Variants in UNC5D observed in about 807,000 individuals in gnomAD.
The protein encoded by UNC5D is netrin receptor UNC5D.
A neutral mutation model predicts 105.4 loss-of-function variants in UNC5D; 39 were observed. The observed-to-expected ratio is 0.37, with a 90% CI of 0.29 to 0.48. The LOEUF (loss-of-function observed/expected upper bound fraction) is 0.48. UNC5D is among the 20% of genes least tolerant of loss of function. The pLI is 0.98. For missense variants in UNC5D, 991 were observed against 1,202.4 expected (o/e 0.82, Z 2.60); for synonymous variants, 452 against 450.4 (o/e 1.00, Z -0.04).
intron 1 of UNC5D, among the ~76,000 whole-genome samples, chr8:35,483,134 T>C (rs1012356299): frequency 6.6e-6 from 1 of 151,996 alleles, no homozygotes; most frequent in Non-Finnish European, 1.5e-5. Context: ...CTGTTGTTCA[T>C]TCTCACATGA....
At chr8:35,466,427 A>G (rs1809310363) in intron 1 of UNC5D, among the ~76,000 whole-genome samples, 1 of 152,166 alleles carries the variant, frequency 6.6e-6, no homozygotes, top group South Asian at 2.1e-4. Flanking sequence ...TAGGATTTAT[A>G]TATAATTTGT....
At chr8:35,418,374 G>A (rs186151242) in intron 1 of UNC5D, among the ~76,000 whole-genome samples, 26 of 152,254 alleles carry the variant, frequency 1.7e-4, no homozygotes, top group Admixed American at 1.6e-3. Context: ...CCATCTGCGA[G>A]TGCCAAAAGC....
intron 1 of UNC5D, among the ~76,000 whole-genome samples, chr8:35,394,223 C>G (rs1803962199): frequency 6.6e-6 from 1 of 152,080 alleles, no homozygotes; most frequent in African/African-American, 2.4e-5. Flanking sequence ...TTAGAAATAA[C>G]CTAAATGCTT....
intron 16 of UNC5D, among the ~76,000 whole-genome samples, chr8:35,778,991 C>T (rs1802382595): frequency 6.6e-6 from 1 of 152,216 alleles, no homozygotes; most frequent in African/African-American, 2.4e-5. Flanking sequence ...GCATATGGAT[C>T]ACGCTAAATA....
chr8:35,326,502 C>T (rs1020380774), intron 1 of UNC5D, among the ~76,000 whole-genome samples: 10 of 152,192 alleles, frequency 6.6e-5, no homozygotes, highest in East Asian at 1.9e-4. Context: ...TGCCTGTCAT[C>T]GCAGCGCTTT....
At chr8:35,492,660 C>A (rs937490411) in intron 1 of UNC5D, among the ~76,000 whole-genome samples, 3 of 151,830 alleles carry the variant, frequency 2.0e-5, no homozygotes, top group African/African-American at 7.3e-5. Flanking sequence ...AAAGAAGGGC[C>A]AGATGGTTGA....
In UNC5D at chr8:35,404,666, C is replaced by T. The variant is rs542524873; in HGVS notation, c.104-144626C>T. ...GCAGTGGTGCAATCTCGACTCACTG[C>T]AACCTCTGCCTCCTGGGTTCAAGAG... On this transcript the variant is annotated intron_variant, in intron 1 of 16. Transcript: ENST00000404895. Among the ~76,000 whole-genome samples the T allele has an allele frequency of 2.3e-4, 35 of 152,174 alleles. No homozygotes were observed. The South Asian group carries it at 3.3e-3, about 14-fold the overall frequency.
chr8:35,629,810 T>A (rs1821927743), intron 4 of UNC5D, among the ~76,000 whole-genome samples: 1 of 152,204 alleles, frequency 6.6e-6, no homozygotes, highest in South Asian at 2.1e-4. Context: ...TAATGTATTG[T>A]CTGTTTTTTA....
intron 7 of UNC5D, among the ~76,000 whole-genome samples, chr8:35,701,992 G>A (rs1827236591): frequency 6.6e-6 from 1 of 151,090 alleles, no homozygotes; most frequent in African/African-American, 2.4e-5. Context: ...AATGAAAAAA[G>A]TGAAATAAAA....
chr8:35,638,457 T>C (rs1460260663), intron 4 of UNC5D, among the ~76,000 whole-genome samples: 2 of 151,982 alleles, frequency 1.3e-5, no homozygotes, highest in Non-Finnish European at 2.9e-5. Context: ...TATTACTTTT[T>C]TTATGTGTAG....
At chr8:35,366,566 C>T (rs1303193158) in intron 1 of UNC5D, among the ~76,000 whole-genome samples, 1 of 152,038 alleles carries the variant, frequency 6.6e-6, no homozygotes, top group Admixed American at 6.6e-5. Flanking sequence ...CTTACCCTTC[C>T]TGTAAAGTCT....
intron 8 of UNC5D, among the ~76,000 whole-genome samples, chr8:35,706,429 G>T (rs1177579167): frequency 6.6e-6 from 1 of 152,086 alleles, no homozygotes; most frequent in Non-Finnish European, 1.5e-5. Flanking sequence ...TTGGGGTGTT[G>T]GTACTGGCTT....
intron 1 of UNC5D, among the ~76,000 whole-genome samples, chr8:35,396,331 G>A (rs573636064): frequency 6.6e-6 from 1 of 152,148 alleles, no homozygotes. Flanking sequence ...AAAGGCTCAT[G>A]GGGCTGAGTC....
chr8:35,480,683 T>G (rs1044861586), intron 1 of UNC5D, among the ~76,000 whole-genome samples: 3 of 152,184 alleles, frequency 2.0e-5, no homozygotes, highest in African/African-American at 4.8e-5. Flanking sequence ...GCTTACATTC[T>G]AGCAAGTATG....
chr8:35,340,698 G>A (rs1585624210), intron 1 of UNC5D, among the ~76,000 whole-genome samples: 1 of 152,246 alleles, frequency 6.6e-6, no homozygotes, highest in Non-Finnish European at 1.5e-5. Context: ...TGTGTGCAAA[G>A]CATGGTGAAC....
rs553326817 is a variant in UNC5D at position 35,379,661 on chromosome 8, T to G, written c.103+143774T>G. ...CCTATCTTTAAGTCTCCCTGGACTC[T>G]CTGTGGCACTAGAATATCGACCTGA... On this transcript the variant is annotated intron_variant, in intron 1 of 16. Coordinates refer to ENST00000404895, the MANE Select transcript of UNC5D (RefSeq NM_080872.4). 2.2e-3 allele frequency among the ~76,000 whole-genome samples: 338 copies of G among 152,190 alleles called. 2 individuals are homozygous for G. The highest frequency in any genetic ancestry group is 7.9e-3 in the African/African-American group (329 of 41,546).
At chr8:35,600,953 A>T (rs904743706) in intron 4 of UNC5D, among the ~76,000 whole-genome samples, 20 of 151,994 alleles carry the variant, frequency 1.3e-4, no homozygotes, top group Non-Finnish European at 2.5e-4. Flanking sequence ...TAAGTCTTTA[A>T]TCCATCTTGA....
chr8:35,470,186 C>CT (rs1809600227), intron 1 of UNC5D, among the ~76,000 whole-genome samples: 1 of 152,074 alleles, frequency 6.6e-6, no homozygotes, highest in Non-Finnish European at 1.5e-5. Flanking sequence ...AATTACAGTT[C>CT]ATTTAGGCAG....
At chr8:35,373,185 T>A (rs755084257) in intron 1 of UNC5D, among the ~76,000 whole-genome samples, 2 of 152,364 alleles carry the variant, frequency 1.3e-5, no homozygotes, top group East Asian at 3.9e-4. Context: ...CTATCTTGAT[T>A]CTTTCTGAAG....
Sources: gnomAD v4.1 joint callset for allele counts (sites outside exome capture counted in the v4.1 genomes callset) on GRCh38, gnomAD v4.1.1 for gene constraint, MANE v1.5 for transcripts, NCBI Gene and HGNC (gene_info 2026-07-23, HGNC 2026-07-21) for gene names.